The following BTD variants were observed in gnomAD, a reference collection of about 807,000 sequenced individuals.
BTD encodes biocytinase.
Under a neutral mutation model 17.7 loss-of-function variants are expected in BTD, and 13 were observed. That is an observed-to-expected ratio of 0.74 (90% CI 0.48 to 1.17). BTD has a LOEUF of 1.17. Ranked by LOEUF, BTD falls within the 50% of genes most tolerant of loss-of-function variation. The pLI is 0.00. For synonymous variants in BTD, 240 were observed against 245.2 expected (o/e 0.98, Z 0.20); for missense variants, 674 against 650.4 (o/e 1.04, Z -0.39).
chr3:15,645,160 AAG>A lies in BTD; in HGVS notation c.1247_1248del (p.Glu416AlafsTer8), dbSNP rs1057517225. ...CTTTACGAGAGGCCCACCTTATCCA[AAG>A]AGCTGTATGCCCTGGGGGTCTTTGA... On this transcript the variant is annotated frameshift_variant, in exon 4 of 4. Transcript: ENST00000643237. LOFTEE classifies it high-confidence loss of function. 2 of 1,614,110 alleles carry A rather than the reference AAG, an allele frequency of 1.2e-6. No homozygotes were observed. The highest frequency in any genetic ancestry group is 1.7e-5 in the Admixed American group (1 of 60,022).
chr3:15,721,006 C>A (rs373009412), intron 4 of BTD: 11 of 1,613,730 alleles, frequency 6.8e-6, no homozygotes, highest in African/African-American at 1.3e-5. Context: ...AGGAGTAAAT[C>A]CTTTTTCATT....
intron 1 of BTD, among the ~76,000 whole-genome samples, chr3:15,630,317 TAC>T (rs2065174618): frequency 1.3e-5 from 2 of 152,226 alleles, no homozygotes; most frequent in Non-Finnish European, 2.9e-5. Flanking sequence ...GGGTTAATGA[TAC>T]TCAGTTTGTC....
intron 3 of BTD, among the ~76,000 whole-genome samples, chr3:15,674,315 G>GTCAAT (rs1163682900): frequency 2.0e-5 from 3 of 152,100 alleles, no homozygotes; most frequent in Non-Finnish European, 4.4e-5. Context: ...TAGAGGTGGA[G>GTCAAT]TCAATAGTAT....
At chr3:15,614,703 C>T (rs1270473345) in intron 1 of BTD, among the ~76,000 whole-genome samples, 1 of 150,778 alleles carries the variant, frequency 6.6e-6, no homozygotes, top group East Asian at 2.0e-4. Context: ...CTCAAGCAAT[C>T]GCCCTACCTT....
At chr3:15,643,820 G>A (rs1329191251) in intron 3 of BTD, among the ~76,000 whole-genome samples, 1 of 148,988 alleles carries the variant, frequency 6.7e-6, no homozygotes, top group East Asian at 2.0e-4. Flanking sequence ...TTCTTAGGAG[G>A]CTGAGACGAG....
At chr3:15,669,979 G>C in intron 3 of BTD, 1 of 340,960 alleles carries the variant, frequency 2.9e-6, no homozygotes, top group South Asian at 4.6e-5. Context: ...AGGTTAGAGT[G>C]CACAGTGTCC....
At chr3:15,633,425 T>C (rs1559591231) in intron 1 of BTD, among the ~76,000 whole-genome samples, 2 of 152,236 alleles carry the variant, frequency 1.3e-5, no homozygotes, top group Non-Finnish European at 2.9e-5. Flanking sequence ...GATTGCCACT[T>C]AGAGCTCTCC....
intron 3 of BTD, among the ~76,000 whole-genome samples, chr3:15,693,349 G>T (rs941970061): frequency 6.6e-6 from 1 of 151,544 alleles, no homozygotes; most frequent in African/African-American, 2.4e-5. Flanking sequence ...GAGAGAGAGA[G>T]ACCGACCCAC....
intron 3 of BTD, chr3:15,677,626 C>T (rs1264492338): frequency 2.4e-6 from 3 of 1,264,326 alleles, no homozygotes; most frequent in Non-Finnish European, 3.4e-6. Context: ...ACCAATAACT[C>T]ACTGTAGAGA....
chr3:15,669,178 T>C (rs573062809), intron 3 of BTD: 6 of 152,366 alleles, frequency 3.9e-5, no homozygotes, highest in African/African-American at 1.4e-4. Context: ...CAAGAGACTT[T>C]AGTGATGCTT....
intron 3 of BTD, chr3:15,668,693 A>G (rs1403568956): frequency 6.6e-6 from 1 of 152,620 alleles, no homozygotes; most frequent in East Asian, 1.9e-4. Flanking sequence ...ACAGTATTCA[A>G]GCAGTCACTA....
At chr3:15,683,344 T>G (rs1197764301) in intron 3 of BTD, among the ~76,000 whole-genome samples, 1 of 152,178 alleles carries the variant, frequency 6.6e-6, no homozygotes, top group African/African-American at 2.4e-5. Context: ...CAAGTCACAT[T>G]ACAGAAACAA....
chr3:15,642,303 C>T (rs1310678685), intron 3 of BTD: 74 of 1,397,658 alleles, frequency 5.3e-5, no homozygotes, highest in Non-Finnish European at 6.7e-5. Flanking sequence ...GGAATGTATA[C>T]TTAAACCAAA....
chr3:15,698,055 A>G (rs1196225589), intron 3 of BTD, among the ~76,000 whole-genome samples: 4 of 151,348 alleles, frequency 2.6e-5, no homozygotes, highest in Non-Finnish European at 4.4e-5. Context: ...TGTAGTTTGT[A>G]TTTCTTTGAG....
At chr3:15,601,481 T>C (rs369402129), upstream of BTD, 161 of 1,611,966 alleles carry the variant, frequency 1.0e-4, no homozygotes, top group African/African-American at 2.0e-3. Flanking sequence ...CGAAAAGCTC[T>C]AAGCACTCAC....
At chr3:15,698,799 A>C (rs2070081694) in intron 3 of BTD, among the ~76,000 whole-genome samples, 1 of 152,232 alleles carries the variant, frequency 6.6e-6, no homozygotes, top group African/African-American at 2.4e-5. Flanking sequence ...CAATATTGTG[A>C]AAATGGCCAT....
intron 3 of BTD, among the ~76,000 whole-genome samples, chr3:15,705,605 TTC>T (rs2071245301): frequency 6.6e-6 from 1 of 152,228 alleles, no homozygotes; most frequent in South Asian, 2.1e-4. Flanking sequence ...CCAAAATATT[TTC>T]TGATTTATAG....
At chr3:15,661,404 T>C in intron 3 of BTD, among the ~76,000 whole-genome samples, 1 of 152,134 alleles carries the variant, frequency 6.6e-6, no homozygotes. Context: ...GTTTCCCTGA[T>C]GAGATGTGTG....
chr3:15,673,474 G>A (rs2066587108), intron 3 of BTD, among the ~76,000 whole-genome samples: 1 of 152,176 alleles, frequency 6.6e-6, no homozygotes, highest in Non-Finnish European at 1.5e-5. Context: ...CACTGTTCTT[G>A]TGGAGCTTAC....
Sources: allele counts gnomAD v4.1 joint callset (sites outside exome capture counted in the v4.1 genomes callset), GRCh38; gene constraint gnomAD v4.1.1; transcripts MANE v1.5; gene names NCBI Gene and HGNC (gene_info 2026-07-23, HGNC 2026-07-21).